CADPS2: variants seen among roughly 807,000 people sequenced by gnomAD.
CADPS2 encodes the protein calcium dependent secretion activator 2.
A neutral mutation model predicts 172.5 loss-of-function variants in CADPS2; 93 were observed. The observed-to-expected ratio is 0.54, with a 90% CI of 0.46 to 0.64. The LOEUF (loss-of-function observed/expected upper bound fraction) is 0.64, where lower values mean the gene tolerates loss of function less well. CADPS2 is among the 30% of genes least tolerant of loss of function. The probability of loss-of-function intolerance (pLI) is 0.00; values close to 1 mark genes in which losing one functional copy is unlikely to be tolerated. For missense variants in CADPS2, 1,420 were observed against 1,565.9 expected (o/e 0.91, Z 1.57); for synonymous variants, 546 against 555.2 (o/e 0.98, Z 0.23).
At chr7:122,554,003 T>G (rs1226961719) in intron 8 of CADPS2, among the ~76,000 whole-genome samples, 1 of 152,080 alleles carries the variant, frequency 6.6e-6, no homozygotes, top group Non-Finnish European at 1.5e-5. Flanking sequence ...TGACCCCTGG[T>G]GATCCCCAGG....
chr7:122,538,063 C>G (rs1047208727), intron 8 of CADPS2, among the ~76,000 whole-genome samples: 1 of 151,206 alleles, frequency 6.6e-6, no homozygotes, highest in African/African-American at 2.4e-5. Context: ...TACCTCCAAC[C>G]GAAGTTTCCA....
chr7:122,524,043 A>T (rs2061015786), intron 8 of CADPS2, among the ~76,000 whole-genome samples: 1 of 152,144 alleles, frequency 6.6e-6, no homozygotes, highest in South Asian at 2.1e-4. Flanking sequence ...GGCATCTAAC[A>T]ATTAAAAGGA....
At chr7:122,471,296 G>T in intron 14 of CADPS2, 79 bp downstream of exon 14, 1 of 976,234 alleles carries the variant, frequency 1.0e-6, no homozygotes, top group Non-Finnish European at 1.4e-6. Context: ...GTTACTGGGT[G>T]ATAATCGCAA....
intron 1 of CADPS2, among the ~76,000 whole-genome samples, chr7:122,812,421 AAGAG>A (rs1215740976): frequency 1.7e-3 from 241 of 145,592 alleles, no homozygotes; most frequent in African/African-American, 4.5e-3. Context: ...AAAAAAAAAA[AAGAG>A]AGAGAGAGAG....
chr7:122,878,460 G>A (rs1406146023), intron 1 of CADPS2, among the ~76,000 whole-genome samples: 1 of 151,742 alleles, frequency 6.6e-6, no homozygotes, highest in African/African-American at 2.4e-5. Flanking sequence ...AGACCATGGT[G>A]AAACCCCGTC....
At chr7:122,602,396 A>G (rs2072920191) in intron 6 of CADPS2, among the ~76,000 whole-genome samples, 1 of 152,052 alleles carries the variant, frequency 6.6e-6, no homozygotes, top group Non-Finnish European at 1.5e-5. Context: ...GAAACACACC[A>G]TGGAAGCTAA....
intron 3 of CADPS2, among the ~76,000 whole-genome samples, chr7:122,640,517 A>G (rs1264693199): frequency 3.3e-5 from 5 of 152,140 alleles, no homozygotes; most frequent in Non-Finnish European, 7.3e-5. Flanking sequence ...AGAGAGAAAA[A>G]AAAAGAAGGG....
intron 3 of CADPS2, among the ~76,000 whole-genome samples, chr7:122,646,417 C>T (rs1197372588): frequency 2.0e-5 from 3 of 151,978 alleles, no homozygotes; most frequent in Non-Finnish European, 4.4e-5. Context: ...GCTCTTCATA[C>T]ATTTTTTCTC....
chr7:122,549,046 C>G (rs2063923250), intron 8 of CADPS2, among the ~76,000 whole-genome samples: 1 of 152,126 alleles, frequency 6.6e-6, no homozygotes, highest in African/African-American at 2.4e-5. Flanking sequence ...CTATTTTTCT[C>G]ATTTGTCTTC....
intron 1 of CADPS2, among the ~76,000 whole-genome samples, chr7:122,831,254 G>C (rs1212616064): frequency 6.6e-6 from 1 of 152,176 alleles, no homozygotes; most frequent in African/African-American, 2.4e-5. Context: ...AAAGGTGTAA[G>C]CAACTAGTCC....
intron 1 of CADPS2, among the ~76,000 whole-genome samples, chr7:122,752,705 G>A (rs1268558910): frequency 6.6e-6 from 1 of 152,000 alleles, no homozygotes; most frequent in Admixed American, 6.6e-5. Flanking sequence ...TTATGGTATT[G>A]TCTTCAGAAC....
intron 29 of CADPS2, among the ~76,000 whole-genome samples, chr7:122,324,158 G>C (rs865819907): frequency 1.3e-5 from 2 of 151,654 alleles, no homozygotes; most frequent in South Asian, 2.1e-4. Flanking sequence ...TTTGTGAGTG[G>C]CTATAATTTT....
At chr7:122,827,472 A>C (rs533562749) in intron 1 of CADPS2, among the ~76,000 whole-genome samples, 6 of 141,160 alleles carry the variant, frequency 4.3e-5, no homozygotes, top group Non-Finnish European at 7.6e-5. Context: ...GTCTCTACTA[A>C]AAATAAAAAA....
At chr7:122,382,997 GAAAACA>G (rs1380127564) in intron 24 of CADPS2, among the ~76,000 whole-genome samples, 2 of 151,738 alleles carry the variant, frequency 1.3e-5, no homozygotes, top group African/African-American at 2.4e-5. Context: ...CCAAACAAAC[GAAAACA>G]AAAACAAAAA....
intron 4 of CADPS2, among the ~76,000 whole-genome samples, chr7:122,626,663 A>T (rs557896601): frequency 6.6e-6 from 1 of 152,182 alleles, no homozygotes; most frequent in Admixed American, 6.5e-5. Flanking sequence ...ATAAAATGTA[A>T]GCTCCACCAG....
chr7:122,502,751 ATTC>A (rs2059309828), intron 9 of CADPS2, among the ~76,000 whole-genome samples: 1 of 152,134 alleles, frequency 6.6e-6, no homozygotes, highest in Non-Finnish European at 1.5e-5. Flanking sequence ...TATTATTCTA[ATTC>A]TTCTACATCT....
intron 8 of CADPS2, among the ~76,000 whole-genome samples, chr7:122,531,851 T>C (rs1365047755): frequency 2.6e-5 from 4 of 151,856 alleles, no homozygotes. Flanking sequence ...GCCAATATGG[T>C]GAAACCCCAT....
chr7:122,340,078 A>C (rs1018509770), intron 28 of CADPS2, among the ~76,000 whole-genome samples: 1 of 152,200 alleles, frequency 6.6e-6, no homozygotes, highest in Non-Finnish European at 1.5e-5. Flanking sequence ...TTTTACTCAA[A>C]ATGTTTAATT....
At chr7:122,597,324 A>G (rs1340049773) in intron 6 of CADPS2, among the ~76,000 whole-genome samples, 1 of 152,130 alleles carries the variant, frequency 6.6e-6, no homozygotes, top group Non-Finnish European at 1.5e-5. Flanking sequence ...AACTATCATT[A>G]TATCTGGCAA....
Sources: gnomAD v4.1 joint callset for allele counts (sites outside exome capture counted in the v4.1 genomes callset) on GRCh38, gnomAD v4.1.1 for gene constraint, MANE v1.5 for transcripts, NCBI Gene and HGNC (gene_info 2026-07-23, HGNC 2026-07-21) for gene names.